The following CDHR1 variants were observed in gnomAD, a reference collection of about 807,000 sequenced individuals.
The protein encoded by CDHR1 is cadherin-related family member 1.
Under a neutral mutation model 72.1 loss-of-function variants are expected in CDHR1, and 61 were observed. The observed-to-expected ratio is 0.85, with a 90% CI of 0.69 to 1.05. The LOEUF (loss-of-function observed/expected upper bound fraction) is 1.05. CDHR1 is among the 50% of genes least tolerant of loss of function. The pLI is 0.00. For synonymous variants in CDHR1, 470 were observed against 448.1 expected (o/e 1.05, Z -0.62); for missense variants, 1,186 against 1,115.7 (o/e 1.06, Z -0.90).
chr10:84,201,674 C>A, intron 6 of CDHR1, 133 bp from the exon 7 acceptor site: 3 of 722,304 alleles, frequency 4.2e-6, no homozygotes, highest in South Asian at 1.5e-5. Context: ...AAGCTGAGTG[C>A]TCTGAAGTAG....
At chr10:84,199,308 A>G (rs1589295650) in intron 5 of CDHR1, among the ~76,000 whole-genome samples, 187 bp downstream of exon 5, 1 of 152,208 alleles carries the variant, frequency 6.6e-6, no homozygotes, top group Non-Finnish European at 1.5e-5. Context: ...ATACATGTTC[A>G]GTGTAGAATT....
chr10:84,199,006 C>T (rs936099162), intron 4 of CDHR1, 26 bp from the exon 5 acceptor site: 27 of 1,540,522 alleles, frequency 1.8e-5, no homozygotes, highest in Non-Finnish European at 2.3e-5. Flanking sequence ...ATTGCACTGG[C>T]TCTTGACCCC....
intron 14 of CDHR1, 118 bp from the exon 15 acceptor site, chr10:84,212,061 A>T: frequency 2.2e-6 from 2 of 890,718 alleles, no homozygotes; most frequent in Non-Finnish European, 1.8e-6. Flanking sequence ...GACACTTTGG[A>T]GGAGCTGCAT....
At chr10:84,195,064 G>A (rs1842003567) in intron 1 of CDHR1, among the ~76,000 whole-genome samples, 1 of 152,182 alleles carries the variant, frequency 6.6e-6, no homozygotes, top group Non-Finnish European at 1.5e-5. Flanking sequence ...TTTGGCGCCC[G>A]GACCCCCGCT....
chr10:84,214,521 C>G lies in CDHR1; in HGVS notation c.2480C>G (p.Pro827Arg), dbSNP rs779506713. The G allele has an allele frequency of 5.0e-6, 8 of 1,603,832 alleles. No homozygotes were observed. Among genetic ancestry groups the G allele is most frequent in the Non-Finnish European group, 6.8e-6 (8 of 1,179,680 alleles). ...SLTPQPTQPP[P>R]KPKTMGSPVQ... ...ACTCCGCAGCCGACCCAACCCCCGCCAAAACCCAAAACTATGGGAAGCCCC... is the reference window on the plus strand; with the variant it reads ...ACTCCGCAGCCGACCCAACCCCCGCGAAAACCCAAAACTATGGGAAGCCCC... The change falls in exon 17 of 17, where the codon CCA becomes CGA. Residue 827 changes from proline to arginine, a missense_variant. Physicochemically the swap from Pro to Arg is moderately radical, Grantham distance 103 (BLOSUM62 -2). Transcript: ENST00000623527.
chr10:84,202,721 C>A (rs898601733), intron 7 of CDHR1, among the ~76,000 whole-genome samples: 2 of 152,160 alleles, frequency 1.3e-5, no homozygotes, highest in South Asian at 2.1e-4. Context: ...CTCTGAATGC[C>A]CCCTCTCCTG....
At chr10:84,210,877 G>A in intron 12 of CDHR1, 124 bp from the exon 13 acceptor site, 1 of 1,073,978 alleles carries the variant, frequency 9.3e-7, no homozygotes, top group Non-Finnish European at 1.4e-6. Context: ...CTGGTTGGCA[G>A]CTGCGAGGAA....
At position 84,213,155 on chromosome 10, in the gene CDHR1, C is replaced by A; in HGVS notation, c.1847C>A (p.Pro616His). 6.2e-7 allele frequency: 1 copy of A among 1,614,218 alleles called. No homozygotes were observed. Among genetic ancestry groups the A allele is most frequent in the South Asian group, 1.1e-5 (1 of 91,082 alleles). ...LVDYSITHAE[P>H]ANVFDINSHT... ...GACTATTCCATCACCCATGCAGAGC[C>A]CGCCAACGTGTTCGACATCAATTCC... The change falls in exon 16 of 17, where the codon CCC becomes CAC. Residue 616 changes from proline to histidine, a missense_variant. Pro to His is a moderately conservative substitution (Grantham distance 77, BLOSUM62 -2). Transcript: ENST00000623527.
rs1166639081 is a variant in CDHR1 at position 84,215,983 on chromosome 10, G to A, written c.*1362G>A. 1 of 984,940 alleles carries A rather than the reference G, an allele frequency of 1.0e-6. No homozygotes were observed. The highest frequency in any genetic ancestry group is 1.2e-6 in the Non-Finnish European group (1 of 829,942). 61.0% of individuals were successfully genotyped at this position (984,940 alleles called of 1,614,324 possible). A position where few individuals can be genotyped will look rare whatever the true frequency, so the allele number is the denominator to read the frequency against. On this transcript the variant is annotated 3_prime_UTR_variant, in exon 17 of 17. Coordinates refer to ENST00000623527, the MANE Select transcript of CDHR1 (RefSeq NM_033100.4). ...ATGCTTTGCTTGAGGCCACACAGCA[G>A]GTTGGTAGCAAAGATCTTGTCTAGC...
At position 84,217,808 on chromosome 10, in the gene CDHR1, T is replaced by C; in HGVS notation, c.*3187T>C. On this transcript the variant is annotated 3_prime_UTR_variant, in exon 17 of 17. Coordinates refer to ENST00000623527, the MANE Select transcript of CDHR1 (RefSeq NM_033100.4). ...AGAGGGGAGTGGAGGACAGGGCAGATGCCACAGCATCTGTGGCCTGTGTAG... is the reference window on the plus strand; with the variant it reads ...AGAGGGGAGTGGAGGACAGGGCAGACGCCACAGCATCTGTGGCCTGTGTAG... 1.0e-6 allele frequency: 1 copy of C among 985,430 alleles called. No individual in the cohort carries two copies. Among genetic ancestry groups the C allele is most frequent in the Non-Finnish European group, 1.2e-6 (1 of 829,942 alleles). The allele number at this position is 985,430 out of a possible 1,614,324, so 61.0% of individuals were successfully genotyped here.
chr10:84,213,401 T>C, intron 16 of CDHR1, 53 bp downstream of exon 16: 4 of 1,611,704 alleles, frequency 2.5e-6, no homozygotes, highest in Non-Finnish European at 3.4e-6. Context: ...AGCTCAGACC[T>C]CTCTGCAACG....
Position 84,202,692 on chromosome 10 carries a change from G to C in CDHR1, c.640-288G>C, listed in dbSNP as rs1431810462. On this transcript the variant is annotated intron_variant, in intron 7 of 16. Transcript: ENST00000623527. Reference sequence around the variant, plus strand: ...GGAGGTGCTTGAGGCTTGGTTTCTGGCTGGGAGGGGGAATTTAGCTCTGAA... The same window carrying C: ...GGAGGTGCTTGAGGCTTGGTTTCTGCCTGGGAGGGGGAATTTAGCTCTGAA... 2.6e-5 allele frequency among the ~76,000 whole-genome samples: 4 copies of C among 152,184 alleles called. 1 individual carries two copies. Among genetic ancestry groups the C allele is most frequent in the Non-Finnish European group, 5.9e-5 (4 of 68,030 alleles).
At chr10:84,219,428 T>C (rs1842475707), downstream of CDHR1, 8 of 1,274,204 alleles carry the variant, frequency 6.3e-6, 1 homozygote, top group South Asian at 1.3e-4. Context: ...CCTTCTCTCA[T>C]CCTGACCCCT....
intron 8 of CDHR1, among the ~76,000 whole-genome samples, chr10:84,203,454 C>T (rs1842168339): frequency 6.6e-6 from 1 of 151,852 alleles, no homozygotes; most frequent in Non-Finnish European, 1.5e-5. Context: ...CTCGCTTTGT[C>T]GCCAGGCTGG....
intron 9 of CDHR1, among the ~76,000 whole-genome samples, chr10:84,205,514 T>TCACACACACA (rs33921515): frequency 0.034 from 4,936 of 145,036 alleles, 87 homozygotes; most frequent in Middle Eastern, 0.049. Context: ...TCTCTTTTCT[T>TCACACACACA]CACACACACA....
In CDHR1 at chr10:84,212,114, C is replaced by T. The variant is rs1842342377; in HGVS notation, c.1554-65C>T. 4.4e-6 allele frequency: 6 copies of T among 1,362,184 alleles called. No homozygotes were observed. The South Asian group carries it at 5.9e-5, about 13-fold the overall frequency. 84.4% of individuals were successfully genotyped at this position (1,362,184 alleles called of 1,614,324 possible). A position where few individuals can be genotyped will look rare whatever the true frequency, so the allele number is the denominator to read the frequency against. ...TCAGGAGGCAGCTCATTATTGCAGG[C>T]ATGTGTATGTATGCACATATGTGTA... On this transcript the variant is annotated intron_variant, in intron 14 of 16. Transcript: ENST00000623527.
rs138512311 is a variant in CDHR1 at position 84,204,627 on chromosome 10, G to C, written c.862+22G>C. On this transcript the variant is annotated intron_variant, in intron 9 of 16. Coordinates refer to ENST00000623527, the MANE Select transcript of CDHR1 (RefSeq NM_033100.4). The stretch of plus-strand genomic sequence containing the variant: ...AATGGTGAGTCTGAGCAGCTTTGGG[G>C]GCTGCAGCTTTGACTCTCTAGGTGA... The C allele has an allele frequency of 5.1e-6, 8 of 1,569,196 alleles. No individual in the cohort carries two copies. In the South Asian group the frequency reaches 5.5e-5, roughly 11 times the overall value.
chr10:84,201,975 C>G (rs1261427573), intron 7 of CDHR1, 55 bp downstream of exon 7: 12 of 1,380,544 alleles, frequency 8.7e-6, no homozygotes, highest in Non-Finnish European at 1.2e-5. Context: ...TGGGTTGGAA[C>G]CAAGTTAGGT....
Position 84,208,739 on chromosome 10 carries a change from C to T in CDHR1, c.1178C>T (p.Ala393Val). The change falls in exon 12 of 17, where the codon GCC becomes GTC. Residue 393 changes from alanine to valine, a missense_variant. Transcript: ENST00000623527. ...CTCCAAATTCTCTAGGGAGCCAATG[C>T]CAAATTCAACTTGCAGCTGGTGGGA... ...TVNDSDQGAN[A>V]KFNLQLVGPR... is the part of the protein sequence containing the mutation. 1 of 1,614,176 alleles carries T rather than the reference C, an allele frequency of 6.2e-7. No individual in the cohort carries two copies. Among genetic ancestry groups the T allele is most frequent in the Non-Finnish European group, 8.5e-7 (1 of 1,179,992 alleles).
Sources: gnomAD v4.1 joint callset for allele counts (sites outside exome capture counted in the v4.1 genomes callset) on GRCh38, gnomAD v4.1.1 for gene constraint, MANE v1.5 for transcripts, NCBI Gene and HGNC (gene_info 2026-07-23, HGNC 2026-07-21) for gene names.